The following SLC26A7 variants were observed in gnomAD, a reference collection of about 807,000 sequenced individuals.
The protein encoded by SLC26A7 is anion exchange transporter.
A neutral mutation model predicts 82.5 loss-of-function variants in SLC26A7; 59 were observed. The ratio of observed to expected loss-of-function variants is 0.72; its 90% CI spans 0.58 to 0.89. The LOEUF (loss-of-function observed/expected upper bound fraction) is 0.89. SLC26A7 is among the 40% of genes least tolerant of loss of function. The pLI, the probability that SLC26A7 is intolerant of heterozygous loss-of-function variation, is 0.00. For synonymous variants in SLC26A7, 271 were observed against 274.3 expected (o/e 0.99, Z 0.12); for missense variants, 820 against 793.0 (o/e 1.03, Z -0.41).
At chr8:91,214,514 A>G (rs866762598) in intron 1 of SLC26A7, among the ~76,000 whole-genome samples, 17 of 152,178 alleles carry the variant, frequency 1.1e-4, no homozygotes, top group African/African-American at 3.9e-4. Context: ...GAATCATACA[A>G]TGACTAACAC....
chr8:91,288,997 T>C (rs532170427), intron 2 of SLC26A7, 139 bp from the exon 3 acceptor site: 18 of 566,520 alleles, frequency 3.2e-5, no homozygotes, highest in Non-Finnish European at 5.4e-5. Context: ...TTTAGGGCAA[T>C]AATGCTAGAC....
intron 4 of SLC26A7, among the ~76,000 whole-genome samples, chr8:91,303,308 G>T (rs1227875370): frequency 6.6e-6 from 1 of 152,128 alleles, no homozygotes; most frequent in South Asian, 2.1e-4. Context: ...TGGACAATTT[G>T]CATATTTGTT....
In SLC26A7 at chr8:91,343,530, G is replaced by T. The variant is rs2130845441; in HGVS notation, c.1140+64G>T. 4.5e-6 allele frequency: 5 copies of T among 1,110,718 alleles called. No individual in the cohort carries two copies. The South Asian group carries it at 7.5e-5, about 17-fold the overall frequency. 68.8% of individuals were successfully genotyped at this position (1,110,718 alleles called of 1,614,324 possible). A position where few individuals can be genotyped will look rare whatever the true frequency, so the allele number is the denominator to read the frequency against. On this transcript the variant is annotated intron_variant, in intron 9 of 18. Transcript: ENST00000276609. ...CCTTCACTCCCATTCTAGGAGAGTG[G>T]GAAGAGCTAGCTTCTCTTTAAAGCC...
At chr8:91,271,633 C>T (rs986031126) in intron 2 of SLC26A7, among the ~76,000 whole-genome samples, 3 of 137,724 alleles carry the variant, frequency 2.2e-5, no homozygotes, top group African/African-American at 5.4e-5. Flanking sequence ...CTCGCTCTGT[C>T]GCCCAGGCTG....
intron 3 of SLC26A7, among the ~76,000 whole-genome samples, chr8:91,294,356 G>T (rs1811957778): frequency 2.0e-5 from 3 of 152,040 alleles, no homozygotes; most frequent in Admixed American, 1.3e-4. Context: ...TTTAGGCCAG[G>T]TTTTTTGGAG....
At chr8:91,251,956 A>G (rs1012440681) in intron 2 of SLC26A7, among the ~76,000 whole-genome samples, 4 of 152,266 alleles carry the variant, frequency 2.6e-5, no homozygotes, top group Admixed American at 2.0e-4. Flanking sequence ...CAAAGTGACA[A>G]GAAAAATAAC....
intron 4 of SLC26A7, among the ~76,000 whole-genome samples, chr8:91,312,226 CTTATT>C (rs1320206455): frequency 6.6e-6 from 1 of 152,074 alleles, no homozygotes; most frequent in African/African-American, 2.4e-5. Context: ...TTGAGACTGG[CTTATT>C]TTATTTAGCA....
chr8:91,281,536 A>T (rs111488923), intron 2 of SLC26A7, among the ~76,000 whole-genome samples: 1 of 152,200 alleles, frequency 6.6e-6, no homozygotes, highest in Non-Finnish European at 1.5e-5. Flanking sequence ...CCTAGAACCA[A>T]TTGCCAGCAA....
intron 18 of SLC26A7, chr8:91,394,443 C>G: frequency 7.1e-7 from 1 of 1,399,412 alleles, no homozygotes; most frequent in Middle Eastern, 2.1e-4. Context: ...GCTTATATTG[C>G]CATCTTTGGA....
intron 2 of SLC26A7, among the ~76,000 whole-genome samples, chr8:91,267,357 G>A (rs919048938): frequency 2.0e-5 from 3 of 151,840 alleles, no homozygotes; most frequent in South Asian, 2.1e-4. Flanking sequence ...TTAAATGTTC[G>A]ATAGAATTCA....
intron 5 of SLC26A7, among the ~76,000 whole-genome samples, chr8:91,319,605 C>T (rs1474505399): frequency 1.3e-5 from 2 of 152,194 alleles, no homozygotes; most frequent in African/African-American, 4.8e-5. Context: ...AACATAATTC[C>T]AAGCTCCAGC....
At chr8:91,222,615 A>G (rs1285171111) in intron 2 of SLC26A7, among the ~76,000 whole-genome samples, 2 of 152,160 alleles carry the variant, frequency 1.3e-5, no homozygotes, top group African/African-American at 4.8e-5. Flanking sequence ...TGAGATAATC[A>G]TGTGTTTTTT....
At chr8:91,243,038 C>A (rs555876529) in intron 2 of SLC26A7, among the ~76,000 whole-genome samples, 3 of 152,004 alleles carry the variant, frequency 2.0e-5, no homozygotes, top group South Asian at 2.1e-4. Context: ...ACTTAAACAG[C>A]GGTGGATTTG....
At chr8:91,245,281 T>C (rs1005937376), upstream of SLC26A7, among the ~76,000 whole-genome samples, 1 of 152,184 alleles carries the variant, frequency 6.6e-6, no homozygotes, top group Non-Finnish European at 1.5e-5. Context: ...ACAATCACAA[T>C]GTTAGAAAAT....
At chr8:91,342,066 T>A (rs1274266158) in intron 8 of SLC26A7, among the ~76,000 whole-genome samples, 1 of 152,016 alleles carries the variant, frequency 6.6e-6, no homozygotes, top group Admixed American at 6.6e-5. Context: ...TAGCTGAGAC[T>A]TCAGGCATGC....
chr8:91,347,424 G>A (rs1563691615), intron 9 of SLC26A7, among the ~76,000 whole-genome samples: 1 of 151,966 alleles, frequency 6.6e-6, no homozygotes, highest in Non-Finnish European at 1.5e-5. Context: ...TTTCCCTAAT[G>A]GAGTCAAAAT....
At chr8:91,219,508 G>A (rs1810123687) in intron 2 of SLC26A7, among the ~76,000 whole-genome samples, 1 of 152,000 alleles carries the variant, frequency 6.6e-6, no homozygotes, top group Admixed American at 6.6e-5. Context: ...CTTTGTGACT[G>A]TTTTTAATTT....
At chr8:91,330,996 C>G (rs1171704784) in intron 5 of SLC26A7, among the ~76,000 whole-genome samples, 1 of 152,102 alleles carries the variant, frequency 6.6e-6, no homozygotes, top group South Asian at 2.1e-4. Flanking sequence ...CTTAAAGCCT[C>G]TCTCCTTGGC....
chr8:91,296,181 T>C (rs1423824427), intron 4 of SLC26A7, among the ~76,000 whole-genome samples: 1 of 152,254 alleles, frequency 6.6e-6, no homozygotes, highest in African/African-American at 2.4e-5. Flanking sequence ...TTTGCTGATC[T>C]GAGGTCACTG....
Sources: gnomAD v4.1 joint callset for allele counts (sites outside exome capture counted in the v4.1 genomes callset) on GRCh38, gnomAD v4.1.1 for gene constraint, MANE v1.5 for transcripts, NCBI Gene and HGNC (gene_info 2026-07-23, HGNC 2026-07-21) for gene names.